Variants in DENND2A observed in about 807,000 individuals in gnomAD.
The protein encoded by DENND2A is DENN domain-containing protein 2A.
A neutral mutation model predicts 105.3 loss-of-function variants in DENND2A; 53 were observed. The ratio of observed to expected loss-of-function variants is 0.50; its 90% CI spans 0.40 to 0.63. DENND2A has a LOEUF of 0.63. Ranked by LOEUF, DENND2A falls within the 30% of genes least tolerant of loss-of-function variation. DENND2A has a pLI of 0.00. For missense variants in DENND2A, 1,138 were observed against 1,279.6 expected (o/e 0.89, Z 1.69); for synonymous variants, 522 against 508.4 (o/e 1.03, Z -0.36).
intron 18 of DENND2A, 152 bp from the exon 19 acceptor site, chr7:140,519,870 T>C: frequency 1.5e-6 from 1 of 688,816 alleles, no homozygotes; most frequent in Non-Finnish European, 2.5e-6. Flanking sequence ...TTTATAAGGA[T>C]TTTATTGCTC....
chr7:140,601,563 C>G lies in DENND2A; in HGVS notation c.835G>C (p.Gly279Arg). 6.2e-7 allele frequency: 1 copy of G among 1,614,172 alleles called. No homozygotes were observed. The highest frequency in any genetic ancestry group is 8.5e-7 in the Non-Finnish European group (1 of 1,180,030). The change falls in exon 3 of 20, where the codon GGG (glycine) becomes CGG (arginine). Residue 279 changes from glycine to arginine, a missense_variant. Gly to Arg is a moderately radical substitution (Grantham distance 125). Coordinates refer to ENST00000496613, the MANE Select transcript of DENND2A (RefSeq NM_015689.5). Reference protein sequence around the residue: ...PRRTFKHAGEGDKDGKPGIGF... With the variant: ...PRRTFKHAGERDKDGKPGIGF... The stretch of plus-strand genomic sequence containing the variant: ...ATGCCAGGCTTCCCATCTTTGTCCC[C>G]TTCTCCGGCATGTTTGAACGTTCTC...
In DENND2A at chr7:140,523,672, G is replaced by T. The variant is rs1048474522; in HGVS notation, c.2548-248C>A. On this transcript the variant is annotated intron_variant, in intron 16 of 19. Coordinates refer to ENST00000496613, the MANE Select transcript of DENND2A (RefSeq NM_015689.5). The surrounding 1 kb of genome is among the most constrained non-coding windows in gnomAD (Gnocchi z 4.5). ...GGCTCACTGCAACCTCTGCCTCCCGGATTCAAGCAATTCTGCCTCAGCCTC... is the reference window on the plus strand; with the variant it reads ...GGCTCACTGCAACCTCTGCCTCCCGTATTCAAGCAATTCTGCCTCAGCCTC... 6.6e-6 allele frequency among the ~76,000 whole-genome samples: 1 copy of T among 152,056 alleles called. No homozygotes were observed. The highest frequency in any genetic ancestry group is 1.5e-5 in the Non-Finnish European group (1 of 68,000).
At position 140,527,197 on chromosome 7, in the gene DENND2A, C is replaced by T. The variant is rs1406950004; in HGVS notation, c.2505+121G>A. ...CATGCCAGACAAAGCCCTGGTGCCC[C>T]CACGCCCTGCTCCCCAACACTGCTG... On this transcript the variant is annotated intron_variant, in intron 15 of 19. Transcript: ENST00000496613. This position sits in a 1 kb window ranked among gnomAD's most constrained non-coding sequence, Gnocchi z 4.9. The T allele has an allele frequency of 3.5e-6, 4 of 1,132,626 alleles. No individual in the cohort carries two copies. Among genetic ancestry groups the T allele is most frequent in the Admixed American group, 2.8e-5 (1 of 35,428 alleles). The allele number at this position is 1,132,626 out of a possible 1,614,324, so 70.2% of individuals were successfully genotyped here.
chr7:140,530,437 G>A (rs569579904), intron 14 of DENND2A, among the ~76,000 whole-genome samples: 3 of 151,750 alleles, frequency 2.0e-5, no homozygotes, highest in African/African-American at 7.3e-5. Flanking sequence ...GCAAATAATC[G>A]TTCTCCTGAT....
At chr7:140,576,406 T>G (rs954938369) in intron 5 of DENND2A, among the ~76,000 whole-genome samples, 4 of 152,192 alleles carry the variant, frequency 2.6e-5, no homozygotes, top group Non-Finnish European at 5.9e-5. Context: ...TGTACACATT[T>G]TATTTATTAT....
chr7:140,563,803 G>A (rs887044439), intron 9 of DENND2A, among the ~76,000 whole-genome samples: 1 of 151,282 alleles, frequency 6.6e-6, no homozygotes, highest in Admixed American at 6.6e-5. Flanking sequence ...GGAAGACCTC[G>A]TCTCTACGAA....
At chr7:140,540,734 T>C (rs1796628097) in intron 14 of DENND2A, among the ~76,000 whole-genome samples, 1 of 151,364 alleles carries the variant, frequency 6.6e-6, no homozygotes, top group South Asian at 2.1e-4. Flanking sequence ...CTTTTTTTTT[T>C]TTAGACAGGG....
In DENND2A at chr7:140,544,767, C is replaced by A; in HGVS notation, c.2179-1G>T. On this transcript the variant is annotated splice_acceptor_variant, in intron 13 of 19. Transcript: ENST00000496613. LOFTEE classifies it high-confidence loss of function. ...CCAGCGGGCGGCACAGTTCGATCAC[C>A]TGCCAGGGAACAGGAGCAGCCATGA... is the stretch of plus-strand genomic sequence containing the variant. 1 of 1,570,140 alleles carries A rather than the reference C, an allele frequency of 6.4e-7. No individual in the cohort carries two copies. The highest frequency in any genetic ancestry group is 2.3e-5 in the East Asian group (1 of 43,126).
intron 2 of DENND2A, among the ~76,000 whole-genome samples, 200 bp from the exon 3 acceptor site, chr7:140,602,742 G>A (rs1489155398): frequency 6.6e-6 from 1 of 152,134 alleles, no homozygotes; most frequent in Non-Finnish European, 1.5e-5. Context: ...GGAGGCTGAG[G>A]TGGGAGGATC....
At chr7:140,541,363 C>T (rs951468507) in intron 14 of DENND2A, among the ~76,000 whole-genome samples, 1 of 152,060 alleles carries the variant, frequency 6.6e-6, no homozygotes, top group African/African-American at 2.4e-5. Context: ...GGTGGGTCCT[C>T]CCCAAGTCTA....
intron 8 of DENND2A, among the ~76,000 whole-genome samples, chr7:140,568,405 A>T (rs1179103303): frequency 6.6e-6 from 1 of 152,210 alleles, no homozygotes; most frequent in African/African-American, 2.4e-5. Context: ...GATTTCCTCC[A>T]GATCACACAG....
At chr7:140,547,427 A>G (rs781337414) in intron 12 of DENND2A, among the ~76,000 whole-genome samples, 3 of 152,202 alleles carry the variant, frequency 2.0e-5, no homozygotes, top group Non-Finnish European at 2.9e-5. Context: ...CAAAAGCACC[A>G]TGAGATACCA....
chr7:140,591,488 T>G (rs1290587432), intron 3 of DENND2A, among the ~76,000 whole-genome samples: 1 of 152,046 alleles, frequency 6.6e-6, no homozygotes, highest in Non-Finnish European at 1.5e-5. Context: ...CCATACAAGA[T>G]CAAGGAGAAG....
At chr7:140,593,091 C>T (rs1799129443) in intron 3 of DENND2A, among the ~76,000 whole-genome samples, 1 of 152,212 alleles carries the variant, frequency 6.6e-6, no homozygotes, top group South Asian at 2.1e-4. Flanking sequence ...TTCATTTACA[C>T]ATTAACTTTG....
chr7:140,582,695 A>G (rs1392396357), intron 5 of DENND2A, among the ~76,000 whole-genome samples: 1 of 152,186 alleles, frequency 6.6e-6, no homozygotes, highest in East Asian at 1.9e-4. Flanking sequence ...CACAGGAGAC[A>G]GGCTTCAGGT....
intron 3 of DENND2A, among the ~76,000 whole-genome samples, chr7:140,590,254 G>C (rs1798959335): frequency 6.6e-6 from 1 of 152,142 alleles, no homozygotes; most frequent in African/African-American, 2.4e-5. Context: ...GCTGGGCATG[G>C]TGGTGTGCAC....
intron 15 of DENND2A, among the ~76,000 whole-genome samples, chr7:140,526,894 C>T (rs534181783): frequency 7.2e-5 from 11 of 152,216 alleles, no homozygotes; most frequent in African/African-American, 1.7e-4. Flanking sequence ...GGACTTTCCC[C>T]GCTTCGATGC....
chr7:140,554,773 G>C (rs1191289028), intron 12 of DENND2A, among the ~76,000 whole-genome samples: 1 of 152,148 alleles, frequency 6.6e-6, no homozygotes, highest in African/African-American at 2.4e-5. Context: ...GAATACCGGG[G>C]TAGATGAGCT....
chr7:140,613,194 C>G (rs1485257514), intron 1 of DENND2A, among the ~76,000 whole-genome samples: 1 of 151,780 alleles, frequency 6.6e-6, no homozygotes, highest in South Asian at 2.1e-4. Flanking sequence ...AGCAGGAGGA[C>G]TGCTTGAGAC....
Sources: gnomAD v4.1 joint callset for allele counts (sites outside exome capture counted in the v4.1 genomes callset) on GRCh38, gnomAD v4.1.1 for gene constraint, Gnocchi (gnomAD v3.1) non-coding constraint, MANE v1.5 for transcripts, NCBI Gene and HGNC (gene_info 2026-07-23, HGNC 2026-07-21) for gene names.